SAMD5: variants seen among roughly 807,000 people sequenced by gnomAD.
SAMD5 encodes the protein sterile alpha motif domain containing 5, also known as sterile alpha motif domain-containing protein 5.
In SAMD5, 13 loss-of-function variants were observed where a neutral mutation model predicts 11.3. The ratio of observed to expected loss-of-function variants is 1.15; its 90% confidence interval spans 0.75 to 1.83. The LOEUF (loss-of-function observed/expected upper bound fraction) is 1.83, where lower values mean the gene tolerates loss of function less well. Among genes scored for constraint, SAMD5 ranks in the 40% most tolerant of loss-of-function variants. The probability of loss-of-function intolerance (pLI) is 0.00; values close to 1 mark genes in which losing one functional copy is unlikely to be tolerated. For missense variants in SAMD5, 255 were observed against 239.1 expected (o/e 1.07, Z -0.44); for synonymous variants, 129 against 111.3 (o/e 1.16, Z -1.00).
rs1226640921 is a variant in SAMD5, at chr6:147,509,314, A to G, written c.386A>G (p.Lys129Arg). 1.9e-6 allele frequency: 3 copies of G among 1,580,580 alleles called. No homozygotes were observed. The highest frequency in any genetic ancestry group is 2.6e-6 in the Non-Finnish European group (3 of 1,165,364). ...SRELVSYPKL[K>R]LKIMIRDKLV... ...GAGCTGGTGAGCTACCCCAAACTGA[A>G]GCTGAAGATCATGATCAGGGATAAG... The change falls in exon 1 of 2, where the codon AAG becomes AGG. Residue 129 changes from lysine to arginine, a missense_variant. Lys to Arg is a conservative substitution (Grantham distance 26, BLOSUM62 2). Coordinates refer to ENST00000367474, the MANE Select transcript of SAMD5 (RefSeq NM_001030060.3).
chr6:147,617,497 C>T (rs144315290), intron 1 of SAMD5, among the ~76,000 whole-genome samples: 1 of 152,228 alleles, frequency 6.6e-6, no homozygotes, highest in East Asian at 1.9e-4. Context: ...ACTCTTGAAT[C>T]TAAGCTGCAG....
downstream of SAMD5, among the ~76,000 whole-genome samples, chr6:147,740,537 C>G (rs2128460701): frequency 6.6e-6 from 1 of 152,270 alleles, no homozygotes; most frequent in South Asian, 2.1e-4. Flanking sequence ...AGACATGTGC[C>G]TCCACTCCCT....
chr6:147,609,878 C>T lies in SAMD5; in HGVS notation c.162+100491C>T, dbSNP rs189713236. On this transcript the variant is annotated intron_variant, in intron 1 of 1. Coordinates refer to the SAMD5 transcript ENST00000566741. The stretch of plus-strand genomic sequence containing the variant: ...GCCAGAGAGAACATATTTAGTGGAT[C>T]AAAGAAAAATACTTGTCCTATGTAA... 3.6e-3 allele frequency among the ~76,000 whole-genome samples: 541 copies of T among 152,218 alleles called. 1 individual carries two copies. The highest frequency in any genetic ancestry group is 0.013 in the African/African-American group (520 of 41,554).
the SAMD5 span, among the ~76,000 whole-genome samples, chr6:147,903,117 C>A: frequency 2.0e-5 from 3 of 152,164 alleles, no homozygotes; most frequent in Non-Finnish European, 4.4e-5. Flanking sequence ...GGTAGCAAAT[C>A]CTCACACATA....
chr6:147,681,696 A>C (rs1398524734), intron 1 of SAMD5, among the ~76,000 whole-genome samples: 1 of 152,178 alleles, frequency 6.6e-6, no homozygotes, highest in Non-Finnish European at 1.5e-5. Context: ...ATGCAATTAA[A>C]TTACTGGAAA....
intron 1 of SAMD5, among the ~76,000 whole-genome samples, chr6:147,603,489 A>G (rs1469627631): frequency 1.3e-5 from 2 of 152,132 alleles, no homozygotes; most frequent in Admixed American, 1.3e-4. Context: ...CAGTGCTTCA[A>G]ATTTGCTCTA....
At chr6:147,823,972 G>GGAA in the SAMD5 span, among the ~76,000 whole-genome samples, 4 of 152,186 alleles carry the variant, frequency 2.6e-5, no homozygotes, top group South Asian at 6.2e-4. Flanking sequence ...GAATTATGGA[G>GGAA]TTATGAAATT....
chr6:147,889,395 CA>C, the SAMD5 span, among the ~76,000 whole-genome samples: 19 of 152,180 alleles, frequency 1.2e-4, no homozygotes, highest in African/African-American at 4.6e-4. Flanking sequence ...CCTGAACACA[CA>C]AAAGACAGTT....
chr6:147,724,416 C>G (rs531280539), intron 1 of SAMD5, among the ~76,000 whole-genome samples: 8 of 152,262 alleles, frequency 5.3e-5, no homozygotes, highest in African/African-American at 1.7e-4. Context: ...AAGAAATTAA[C>G]CTGTCACAAA....
chr6:147,690,987 T>G (rs1047231795), intron 1 of SAMD5, among the ~76,000 whole-genome samples: 985 of 38,256 alleles, frequency 0.026, no homozygotes, highest in Non-Finnish European at 0.028. Context: ...TTTTTTTTGG[T>G]GGGGATCGGG....
the SAMD5 span, among the ~76,000 whole-genome samples, chr6:147,917,848 G>T: frequency 6.6e-6 from 1 of 152,154 alleles, no homozygotes; most frequent in Non-Finnish European, 1.5e-5. Context: ...TGTCGGGTTT[G>T]TCAAAGATCA....
chr6:147,524,593 C>G (rs1673691889), intron 1 of SAMD5, among the ~76,000 whole-genome samples: 2 of 152,048 alleles, frequency 1.3e-5, no homozygotes, highest in Admixed American at 1.3e-4. Flanking sequence ...TCTGCCATTC[C>G]TTTTCACATC....
At chr6:147,835,247 C>A in the SAMD5 span, among the ~76,000 whole-genome samples, 54,355 of 135,576 alleles carry the variant, frequency 0.4, 13,129 homozygotes, top group African/African-American at 0.67. Flanking sequence ...AAAAAAAAAA[C>A]AAAAAAAACA....
At chr6:147,732,879 C>T (rs751267607) in intron 1 of SAMD5, among the ~76,000 whole-genome samples, 1 of 152,128 alleles carries the variant, frequency 6.6e-6, no homozygotes, top group Non-Finnish European at 1.5e-5. Flanking sequence ...ATTTAAGGCA[C>T]AAATGAATTA....
the SAMD5 span, among the ~76,000 whole-genome samples, chr6:147,941,269 G>T: frequency 1.1e-3 from 172 of 152,206 alleles, 3 homozygotes; most frequent in South Asian, 0.022. Flanking sequence ...GTGATTCAGG[G>T]CCATGTGTGT....
chr6:147,817,857 T>C, the SAMD5 span, among the ~76,000 whole-genome samples: 5 of 152,322 alleles, frequency 3.3e-5, no homozygotes, highest in Admixed American at 3.3e-4. Flanking sequence ...CCCCATGCAG[T>C]TGAGTACTTT....
At chr6:147,652,800 C>T (rs1293429179) in intron 1 of SAMD5, among the ~76,000 whole-genome samples, 1 of 152,146 alleles carries the variant, frequency 6.6e-6, no homozygotes, top group Non-Finnish European at 1.5e-5. Context: ...GTTGGTGAAT[C>T]CTGTCACTTT....
the SAMD5 span, among the ~76,000 whole-genome samples, chr6:147,859,120 G>A: frequency 1.3e-5 from 2 of 152,172 alleles, no homozygotes; most frequent in African/African-American, 2.4e-5. Context: ...GTCGAGTAAA[G>A]CAATGTTTAC....
At chr6:147,530,921 A>C (rs1187782990) in intron 1 of SAMD5, among the ~76,000 whole-genome samples, 1 of 152,232 alleles carries the variant, frequency 6.6e-6, no homozygotes, top group Non-Finnish European at 1.5e-5. Context: ...AGTTAATCCA[A>C]GTTAACCTCT....
Sources: allele counts gnomAD v4.1 joint callset (sites outside exome capture counted in the v4.1 genomes callset), GRCh38; gene constraint gnomAD v4.1.1; transcripts MANE v1.5; gene names NCBI Gene and HGNC (gene_info 2026-07-23, HGNC 2026-07-21).